SNAP25: variants seen among roughly 807,000 people sequenced by gnomAD.
The protein encoded by SNAP25 is synaptosomal-associated protein 25.
A neutral mutation model predicts 28.7 loss-of-function variants in SNAP25; 3 were observed. The observed-to-expected ratio is 0.10, with a 90% confidence interval of 0.05 to 0.27. The LOEUF (loss-of-function observed/expected upper bound fraction) is 0.27. Ranked by LOEUF, SNAP25 falls within the 10% of genes least tolerant of loss-of-function variation. The probability of loss-of-function intolerance (pLI) is 1.00; values close to 1 mark genes in which losing one functional copy is unlikely to be tolerated. For synonymous variants in SNAP25, 61 were observed against 88.1 expected (o/e 0.69, Z 1.72); for missense variants, 117 against 278.7 (o/e 0.42, Z 4.13).
rs1301315777 is a variant in SNAP25, at chr20:10,307,382, G to A, written c.*1185G>A. On this transcript the variant is annotated 3_prime_UTR_variant, in exon 8 of 8. Coordinates refer to ENST00000254976, the MANE Select transcript of SNAP25 (RefSeq NM_130811.4). ...CAGTTTGTGAAGTGATTGACATTTT[G>A]TAGCTAGTTTAAAATTATTAAAAAT... 6.6e-6 allele frequency: 1 copy of A among 152,554 alleles called. No individual in the cohort carries two copies. The highest frequency in any genetic ancestry group is 1.5e-5 in the Non-Finnish European group (1 of 68,016). 9.5% of individuals were successfully genotyped at this position (152,554 alleles called of 1,614,324 possible). A position where few individuals can be genotyped will look rare whatever the true frequency, so the allele number is the denominator to read the frequency against.
intron 1 of SNAP25, among the ~76,000 whole-genome samples, chr20:10,232,528 C>T (rs1181006920): frequency 6.6e-6 from 1 of 152,230 alleles, no homozygotes; most frequent in Admixed American, 6.5e-5. Context: ...GGAGACTTCA[C>T]AGAAGTGAGG....
At chr20:10,286,498 T>C (rs903576203) in intron 4 of SNAP25, among the ~76,000 whole-genome samples, 3 of 152,064 alleles carry the variant, frequency 2.0e-5, no homozygotes, top group Non-Finnish European at 2.9e-5. Context: ...AGAGCAAAGA[T>C]TGCTGATTAG....
chr20:10,229,690 G>A (rs1334049977), intron 1 of SNAP25, among the ~76,000 whole-genome samples: 2 of 152,028 alleles, frequency 1.3e-5, no homozygotes, highest in African/African-American at 2.4e-5. Flanking sequence ...GGCTATCGTT[G>A]CTTGTTTTGT....
chr20:10,246,078 A>G (rs935522344), intron 1 of SNAP25, among the ~76,000 whole-genome samples: 2 of 151,964 alleles, frequency 1.3e-5, no homozygotes, highest in African/African-American at 4.8e-5. Context: ...GAATATGTTG[A>G]CTCCACTTCT....
intron 1 of SNAP25, among the ~76,000 whole-genome samples, chr20:10,246,285 G>A (rs759094095): frequency 1.3e-4 from 20 of 152,180 alleles, no homozygotes; most frequent in Non-Finnish European, 2.4e-4. Context: ...ATTCGTGTGC[G>A]AGCGCATCCT....
chr20:10,247,104 C>T (rs144866801), intron 1 of SNAP25, among the ~76,000 whole-genome samples: 1 of 152,016 alleles, frequency 6.6e-6, no homozygotes, highest in South Asian at 2.1e-4. Flanking sequence ...AGTTAAGATC[C>T]ATGTGACCCA....
intron 1 of SNAP25, among the ~76,000 whole-genome samples, chr20:10,266,959 T>C (rs921949825): frequency 2.0e-5 from 3 of 152,146 alleles, no homozygotes; most frequent in African/African-American, 7.2e-5. Context: ...GAATGGACTT[T>C]CTTTTCAGAC....
chr20:10,270,169 C>A (rs2063569417), intron 1 of SNAP25, among the ~76,000 whole-genome samples: 1 of 152,066 alleles, frequency 6.6e-6, no homozygotes, highest in African/African-American at 2.4e-5. Context: ...AGGAGAATTG[C>A]TTGAAATCTG....
At chr20:10,288,742 TA>T (rs535355497) in intron 4 of SNAP25, among the ~76,000 whole-genome samples, 82 of 152,078 alleles carry the variant, frequency 5.4e-4, no homozygotes, top group African/African-American at 1.8e-3. Flanking sequence ...CACGCAACTG[TA>T]AAACCCCCGA....
chr20:10,267,779 T>C (rs987584064), intron 1 of SNAP25, among the ~76,000 whole-genome samples: 8 of 152,248 alleles, frequency 5.3e-5, no homozygotes, highest in Admixed American at 3.9e-4. Flanking sequence ...CTCTAGCTCT[T>C]GACCTTGTGA....
intron 4 of SNAP25, among the ~76,000 whole-genome samples, chr20:10,285,460 G>A (rs1453112204): frequency 6.6e-6 from 1 of 152,162 alleles, no homozygotes; most frequent in African/African-American, 2.4e-5. Flanking sequence ...CCTATGGTGA[G>A]ATTGTACATA....
chr20:10,259,617 CA>C (rs2063377932), intron 1 of SNAP25, among the ~76,000 whole-genome samples: 3 of 152,120 alleles, frequency 2.0e-5, no homozygotes, highest in African/African-American at 7.2e-5. Context: ...TAGCTCACTG[CA>C]GCCTCTAACT....
At chr20:10,275,961 C>T (rs1271486244) in intron 2 of SNAP25, among the ~76,000 whole-genome samples, 1 of 152,180 alleles carries the variant, frequency 6.6e-6, no homozygotes, top group Non-Finnish European at 1.5e-5. Context: ...CATAAACTGA[C>T]AATTAGATAG....
Position 10,244,266 on chromosome 20 carries a change from G to A in SNAP25, c.-64+25289G>A, listed in dbSNP as rs147540178. On this transcript the variant is annotated intron_variant, in intron 1 of 7. Transcript: ENST00000254976. ...ATCTGATCTCTAGGGCCACAATAAT[G>A]CACCTCAGTGACATAAACCAGTAAG... 3.0e-3 allele frequency among the ~76,000 whole-genome samples: 450 copies of A among 152,252 alleles called. 3 individuals are homozygous for A. The highest frequency in any genetic ancestry group is 4.5e-3 in the Non-Finnish European group (304 of 68,032).
At chr20:10,275,208 G>A (rs952604783) in intron 1 of SNAP25, among the ~76,000 whole-genome samples, 5 of 151,850 alleles carry the variant, frequency 3.3e-5, no homozygotes, top group Non-Finnish European at 5.9e-5. Context: ...ATATTTCATC[G>A]GTAGATAGGT....
rs1034804780 is a variant in SNAP25, at chr20:10,277,787, C to T, written c.114+61C>T. ...ATCCCTTATGCTGATACATCCTTTC[C>T]TAGTTGCTATGATGTTTCCTTGGGC... is the stretch of plus-strand genomic sequence containing the variant. On this transcript the variant is annotated intron_variant, in intron 3 of 7. Transcript: ENST00000254976. The T allele has an allele frequency of 8.9e-6, 13 of 1,454,960 alleles. No homozygotes were observed. The South Asian group carries it at 1.5e-4, about 17-fold the overall frequency. The allele number at this position is 1,454,960 out of a possible 1,614,324, so 90.1% of individuals were successfully genotyped here.
chr20:10,306,365 TTTG>T lies in SNAP25; in HGVS notation c.*171_*173del. On this transcript the variant is annotated 3_prime_UTR_variant, in exon 8 of 8. Coordinates refer to ENST00000254976, the MANE Select transcript of SNAP25 (RefSeq NM_130811.4). ...AGCTTCCCAACAATACTTTGTGTCT[TTTG>T]TTCTCTCTTGGTCTCTTTCTTTCCA... 1 of 599,264 alleles carries T rather than the reference TTTG, an allele frequency of 1.7e-6. No homozygotes were observed. The allele number at this position is 599,264 out of a possible 1,614,324, so 37.1% of individuals were successfully genotyped here.
intron 1 of SNAP25, among the ~76,000 whole-genome samples, chr20:10,237,582 A>G (rs1475127691): frequency 6.6e-6 from 1 of 152,142 alleles, no homozygotes; most frequent in Non-Finnish European, 1.5e-5. Context: ...TCGGACCTTC[A>G]TTTATTCACT....
intron 1 of SNAP25, among the ~76,000 whole-genome samples, chr20:10,262,907 G>C (rs2063439672): frequency 6.6e-6 from 1 of 152,036 alleles, no homozygotes; most frequent in Admixed American, 6.6e-5. Context: ...TGTTAGCTAG[G>C]GGCCTGCCCT....
Sources: gnomAD v4.1 joint callset for allele counts (sites outside exome capture counted in the v4.1 genomes callset) on GRCh38, gnomAD v4.1.1 for gene constraint, MANE v1.5 for transcripts, NCBI Gene and HGNC (gene_info 2026-07-23, HGNC 2026-07-21) for gene names.